Variants in CCDC146 observed in about 807,000 individuals in gnomAD.
The protein encoded by CCDC146 is coiled-coil domain containing 146.
In CCDC146, 92 loss-of-function variants were observed where a neutral mutation model predicts 119.3. That is an observed-to-expected ratio of 0.77 (90% CI 0.65 to 0.92). The LOEUF is 0.92. Among genes scored for constraint, CCDC146 ranks in the 40% least tolerant of loss-of-function variants. The probability of loss-of-function intolerance (pLI) is 0.00; values close to 1 mark genes in which losing one functional copy is unlikely to be tolerated. For synonymous variants in CCDC146, 372 were observed against 371.8 expected (o/e 1.00, Z -0.01); for missense variants, 1,000 against 1,103.0 (o/e 0.91, Z 1.32).
chr7:77,272,703 A>C (rs1402383537), intron 9 of CCDC146, among the ~76,000 whole-genome samples: 1 of 152,198 alleles, frequency 6.6e-6, no homozygotes, highest in East Asian at 1.9e-4. Flanking sequence ...ATCAGCTGCC[A>C]CATGTCCTCC....
chr7:77,273,854 T>C, intron 10 of CCDC146, 65 bp downstream of exon 10: 1 of 1,023,654 alleles, frequency 9.8e-7, no homozygotes, highest in Non-Finnish European at 1.5e-6. Flanking sequence ...TGCTTTTAAC[T>C]GTGCTCCACA....
rs139965608 is a variant in CCDC146, at chr7:77,188,570, C to T, written c.156+20746C>T. The stretch of plus-strand genomic sequence containing the variant: ...CTACTTATGCACAGGTACACACACA[C>T]GCACTGTAATTACATCACAACACCC... On this transcript the variant is annotated intron_variant, in intron 2 of 18. Transcript: ENST00000285871. Among the ~76,000 whole-genome samples the T allele has an allele frequency of 3.3e-4, 51 of 152,276 alleles. 1 individual carries two copies. The East Asian group carries it at 6.0e-3, about 18-fold the overall frequency.
chr7:77,285,120 G>C (rs966984765), intron 15 of CCDC146, among the ~76,000 whole-genome samples: 1 of 151,764 alleles, frequency 6.6e-6, no homozygotes, highest in African/African-American at 2.4e-5. Flanking sequence ...CTGTTCTCCT[G>C]GTTCCTATAA....
intron 1 of CCDC146, among the ~76,000 whole-genome samples, chr7:77,135,623 C>G (rs1167054589): frequency 6.6e-6 from 1 of 152,094 alleles, no homozygotes; most frequent in Non-Finnish European, 1.5e-5. Flanking sequence ...TGCTTAAAGT[C>G]TCAGTTTCTA....
chr7:77,252,507 G>A (rs1463753987), intron 4 of CCDC146, among the ~76,000 whole-genome samples: 3 of 152,114 alleles, frequency 2.0e-5, no homozygotes, highest in Admixed American at 6.6e-5. Context: ...ACCAAAAGAA[G>A]GAATAGAAAA....
chr7:77,256,949 C>A (rs912970099), intron 6 of CCDC146, among the ~76,000 whole-genome samples: 1 of 152,088 alleles, frequency 6.6e-6, no homozygotes, highest in African/African-American at 2.4e-5. Context: ...ACTAAAAATA[C>A]AAAAATTAGC....
At chr7:77,286,567 A>G (rs770182561) in intron 15 of CCDC146, among the ~76,000 whole-genome samples, 8 of 152,226 alleles carry the variant, frequency 5.3e-5, no homozygotes, top group Non-Finnish European at 1.0e-4. Flanking sequence ...CCCAGAAGGC[A>G]CTGCCTCACC....
chr7:77,244,240 G>C (rs1053529621), intron 4 of CCDC146, among the ~76,000 whole-genome samples: 4 of 152,114 alleles, frequency 2.6e-5, no homozygotes, highest in Admixed American at 2.6e-4. Context: ...TGTGTTATGA[G>C]TCAAAAGCTG....
chr7:77,183,945 C>T (rs978923439), intron 2 of CCDC146, among the ~76,000 whole-genome samples: 3 of 152,164 alleles, frequency 2.0e-5, no homozygotes, highest in African/African-American at 7.2e-5. Flanking sequence ...TACTGCATCA[C>T]TATTTTAAAG....
chr7:77,192,656 G>A (rs1791789575), intron 2 of CCDC146, among the ~76,000 whole-genome samples: 1 of 152,200 alleles, frequency 6.6e-6, no homozygotes, highest in African/African-American at 2.4e-5. Context: ...CGGGCACGGT[G>A]GCTAATGCCT....
intron 2 of CCDC146, among the ~76,000 whole-genome samples, chr7:77,226,605 A>G (rs12672102): frequency 0.068 from 10,427 of 152,328 alleles, 719 homozygotes; most frequent in East Asian, 0.28. Context: ...CCAGTCACAT[A>G]ATTGCCAGCA....
rs200464933 is a variant in CCDC146 at position 77,242,626 on chromosome 7, G to A, written c.449+726G>A. On this transcript the variant is annotated intron_variant, in intron 4 of 18. Transcript: ENST00000285871. The stretch of plus-strand genomic sequence containing the variant: ...ATTTAGATTGAATTTGAAAATGATT[G>A]CAATTCAAGTTTTCTGCTGTGGTGT... Among the ~76,000 whole-genome samples, 8 of 152,286 alleles carry A rather than the reference G, an allele frequency of 5.3e-5. No individual in the cohort carries two copies. The East Asian group carries it at 1.5e-3, about 29-fold the overall frequency.
chr7:77,180,491 G>A (rs1484106413), intron 2 of CCDC146, among the ~76,000 whole-genome samples: 2 of 152,154 alleles, frequency 1.3e-5, no homozygotes, highest in African/African-American at 4.8e-5. Flanking sequence ...TTGAGCTCAG[G>A]AGTTCAAGAC....
At chr7:77,166,398 T>G (rs1324493644) in intron 1 of CCDC146, among the ~76,000 whole-genome samples, 1 of 151,892 alleles carries the variant, frequency 6.6e-6, no homozygotes, top group Non-Finnish European at 1.5e-5. Context: ...AGCAGGAAGA[T>G]TCTTCTCAAA....
chr7:77,190,924 C>T (rs571723905), intron 2 of CCDC146, among the ~76,000 whole-genome samples: 1 of 152,110 alleles, frequency 6.6e-6, no homozygotes, highest in Admixed American at 6.5e-5. Flanking sequence ...CAAAATTATT[C>T]CTGCTTTTTT....
chr7:77,169,716 C>A (rs919600377), intron 2 of CCDC146, among the ~76,000 whole-genome samples: 1 of 152,196 alleles, frequency 6.6e-6, no homozygotes, highest in African/African-American at 2.4e-5. Flanking sequence ...TTCTGACATG[C>A]TCCTGTGATT....
At chr7:77,262,092 T>C in intron 8 of CCDC146, 29 bp from the exon 9 acceptor site, 1 of 1,532,582 alleles carries the variant, frequency 6.5e-7, no homozygotes, top group Non-Finnish European at 8.8e-7. Flanking sequence ...AACAAAATCA[T>C]TTTCTTCTTC....
intron 13 of CCDC146, 150 bp downstream of exon 13, chr7:77,279,251 G>A (rs149799473): frequency 7.2e-6 from 2 of 278,760 alleles, no homozygotes; most frequent in East Asian, 4.0e-5. Context: ...GTGACAGAAT[G>A]AGACCCTGTC....
chr7:77,256,711 G>A (rs552544669), intron 6 of CCDC146, among the ~76,000 whole-genome samples: 5 of 152,254 alleles, frequency 3.3e-5, no homozygotes, highest in Admixed American at 6.5e-5. Flanking sequence ...AGTATCACTC[G>A]ATAATTCGGA....
Sources: gnomAD v4.1 joint callset for allele counts (sites outside exome capture counted in the v4.1 genomes callset) on GRCh38, gnomAD v4.1.1 for gene constraint, MANE v1.5 for transcripts, NCBI Gene and HGNC (gene_info 2026-07-23, HGNC 2026-07-21) for gene names.